Variants in SCGN observed in about 807,000 individuals in gnomAD.
The protein encoded by SCGN is secretagogin.
In SCGN, 30 loss-of-function variants were observed where a neutral mutation model predicts 39.7. The ratio of observed to expected loss-of-function variants is 0.76; its 90% CI spans 0.57 to 1.03. The LOEUF (loss-of-function observed/expected upper bound fraction) is 1.03, where lower values mean the gene tolerates loss of function less well. Ranked by LOEUF, SCGN falls within the 50% of genes least tolerant of loss-of-function variation. The pLI is 0.00. For synonymous variants in SCGN, 106 were observed against 114.1 expected (o/e 0.93, Z 0.45); for missense variants, 353 against 349.4 (o/e 1.01, Z -0.08).
chr6:25,659,466 C>T (rs943538282), intron 2 of SCGN, among the ~76,000 whole-genome samples: 5 of 152,210 alleles, frequency 3.3e-5, no homozygotes, highest in African/African-American at 9.6e-5. Flanking sequence ...CTGCATCACC[C>T]TTCTGGCCTG....
chr6:25,670,506 G>A (rs2151379176), intron 6 of SCGN, among the ~76,000 whole-genome samples: 1 of 152,284 alleles, frequency 6.6e-6, no homozygotes, highest in South Asian at 2.1e-4. Flanking sequence ...ATAGATGAAG[G>A]ATGCATGTCC....
At position 25,661,638 on chromosome 6, in the gene SCGN, G is replaced by A. The variant is rs760647578; in HGVS notation, c.240G>A (p.Met80Ile). The stretch of plus-strand genomic sequence containing the variant: ...CCTCTAAAGATGGTCGCATTCGGAT[G>A]AAAGAGGTAACTTTACTGACAGTAT... ...QDASKDGRIR[M>I]KELAGMFLSE... Residue 80 changes from methionine (M) to isoleucine (I), a missense_variant, in exon 3 of 11, where the codon ATG becomes ATA. Physicochemically the swap from Met to Ile is conservative, Grantham distance 10 (BLOSUM62 1). Transcript: ENST00000377961. 2 of 1,608,814 alleles carry A rather than the reference G, an allele frequency of 1.2e-6. No homozygotes were observed. Among genetic ancestry groups the A allele is most frequent in the Non-Finnish European group, 1.7e-6 (2 of 1,175,448 alleles).
chr6:25,692,014 A>G (rs1281311413), intron 10 of SCGN, among the ~76,000 whole-genome samples: 2 of 152,192 alleles, frequency 1.3e-5, no homozygotes, highest in Admixed American at 6.5e-5. Context: ...ACCCTTTCTG[A>G]CATCTAATCA....
At chr6:25,669,175 C>T (rs955575529) in intron 4 of SCGN, among the ~76,000 whole-genome samples, 4 of 151,746 alleles carry the variant, frequency 2.6e-5, no homozygotes, top group Admixed American at 6.6e-5. Context: ...ACTGAGGAGG[C>T]TTCTTAGTTT....
intron 10 of SCGN, among the ~76,000 whole-genome samples, chr6:25,692,468 A>G (rs1022955033): frequency 4.3e-4 from 66 of 152,244 alleles, no homozygotes; most frequent in African/African-American, 1.6e-3. Context: ...CACCCCCCAG[A>G]GAGGTTTTGG....
Position 25,661,530 on chromosome 6 carries a change from G to A in SCGN, c.154-22G>A, listed in dbSNP as rs1760337105. The A allele has an allele frequency of 1.9e-6, 3 of 1,564,744 alleles. No individual in the cohort carries two copies. In the East Asian group the frequency reaches 6.7e-5, roughly 35 times the overall value. The stretch of plus-strand genomic sequence containing the variant: ...TTTGAGATTCCAGTGGCTTTAATGT[G>A]GCTCTGTTTGGTCAATTGCAGGACA... On this transcript the variant is annotated intron_variant, in intron 2 of 10. Transcript: ENST00000377961.
chr6:25,674,938 G>A (rs1759546053), intron 6 of SCGN, among the ~76,000 whole-genome samples: 1 of 152,058 alleles, frequency 6.6e-6, no homozygotes, highest in South Asian at 2.1e-4. Context: ...AATAATTCTG[G>A]CTGATGTTAA....
chr6:25,661,630 A>C lies in SCGN; in HGVS notation c.232A>C (p.Ile78Leu). 2 of 1,612,176 alleles carry C rather than the reference A, an allele frequency of 1.2e-6. No individual in the cohort carries two copies. Among genetic ancestry groups the C allele is most frequent in the Non-Finnish European group, 1.7e-6 (2 of 1,178,384 alleles). Residue 78 changes from isoleucine (I) to leucine (L), a missense_variant, in exon 3 of 11, where the codon ATT (isoleucine) becomes CTT (leucine). Coordinates refer to ENST00000377961, the MANE Select transcript of SCGN (RefSeq NM_006998.4). ...TTQDASKDGRIRMKELAGMFL... is the reference protein window; with the variant it reads ...TTQDASKDGRLRMKELAGMFL... The stretch of plus-strand genomic sequence containing the variant: ...CCAAGATGCCTCTAAAGATGGTCGC[A>C]TTCGGATGAAAGAGGTAACTTTACT...
At chr6:25,689,554 G>A (rs1759750273) in intron 9 of SCGN, 22 bp downstream of exon 9, 1 of 1,605,360 alleles carries the variant, frequency 6.2e-7, no homozygotes, top group South Asian at 1.1e-5. Flanking sequence ...TCTTTATACT[G>A]TGCTGGCCAT....
At chr6:25,684,777 T>C (rs1300266849) in intron 7 of SCGN, among the ~76,000 whole-genome samples, 5 of 152,208 alleles carry the variant, frequency 3.3e-5, no homozygotes, top group South Asian at 2.1e-4. Context: ...GTCACAGTAC[T>C]CTAGTTAGGT....
chr6:25,667,518 T>C (rs1348553744), intron 4 of SCGN, among the ~76,000 whole-genome samples: 2 of 152,216 alleles, frequency 1.3e-5, no homozygotes, highest in African/African-American at 4.8e-5. Flanking sequence ...CATGTGCCAT[T>C]ATTGTCCAGA....
chr6:25,679,529 G>A (rs1759608993), intron 6 of SCGN, among the ~76,000 whole-genome samples: 2 of 152,192 alleles, frequency 1.3e-5, no homozygotes, highest in African/African-American at 4.8e-5. Flanking sequence ...GTTGTGGGCT[G>A]AGGGCTGGCA....
At chr6:25,693,823 C>T (rs1391325430) in intron 10 of SCGN, among the ~76,000 whole-genome samples, 1 of 152,152 alleles carries the variant, frequency 6.6e-6, no homozygotes, top group African/African-American at 2.4e-5. Context: ...AATTCGGATT[C>T]TAGGCTGACC....
intron 6 of SCGN, among the ~76,000 whole-genome samples, chr6:25,675,810 CT>C (rs1330185548): frequency 6.6e-6 from 1 of 152,204 alleles, no homozygotes; most frequent in Non-Finnish European, 1.5e-5. Flanking sequence ...CATATCCCTT[CT>C]CTTCTATGTC....
chr6:25,663,244 A>T (rs546863283), intron 3 of SCGN, among the ~76,000 whole-genome samples: 1 of 152,302 alleles, frequency 6.6e-6, no homozygotes, highest in African/African-American at 2.4e-5. Flanking sequence ...GTGACATAAA[A>T]ATCAGCCCAC....
intron 6 of SCGN, among the ~76,000 whole-genome samples, chr6:25,673,475 A>G (rs530031622): frequency 2.6e-4 from 40 of 152,294 alleles, no homozygotes; most frequent in Non-Finnish European, 4.4e-4. Flanking sequence ...TCATCTTACA[A>G]TGGGATGTCC....
At chr6:25,666,940 C>G (rs1760433851) in intron 4 of SCGN, among the ~76,000 whole-genome samples, 1 of 151,992 alleles carries the variant, frequency 6.6e-6, no homozygotes, top group East Asian at 1.9e-4. Flanking sequence ...TTTAAAAACA[C>G]TCAGATAACA....
chr6:25,679,861 C>T (rs761318011), intron 6 of SCGN, among the ~76,000 whole-genome samples: 46 of 151,186 alleles, frequency 3.0e-4, no homozygotes, highest in Non-Finnish European at 6.5e-4. Flanking sequence ...GTCTATGGCA[C>T]CAGATGTTTT....
chr6:25,696,560 T>C (rs774300857), intron 10 of SCGN, among the ~76,000 whole-genome samples: 28 of 152,204 alleles, frequency 1.8e-4, no homozygotes, highest in Non-Finnish European at 4.0e-4. Flanking sequence ...ATAATATCCT[T>C]GTGCAAAGAT....
Sources: allele counts gnomAD v4.1 joint callset (sites outside exome capture counted in the v4.1 genomes callset), GRCh38; gene constraint gnomAD v4.1.1; transcripts MANE v1.5; gene names NCBI Gene and HGNC (gene_info 2026-07-23, HGNC 2026-07-21).